Variants in IL1RAP observed in about 807,000 individuals in gnomAD.
The protein encoded by IL1RAP is interleukin-1 receptor accessory protein.
IL1RAP carries 35 observed loss-of-function variants against 60.7 expected under a neutral mutation model. The ratio of observed to expected loss-of-function variants is 0.58; its 90% confidence interval spans 0.44 to 0.76. The LOEUF (loss-of-function observed/expected upper bound fraction) is 0.76, where lower values mean the gene tolerates loss of function less well. Among genes scored for constraint, IL1RAP ranks in the 30% least tolerant of loss-of-function variants. IL1RAP has a pLI of 0.00. For missense variants in IL1RAP, 572 were observed against 693.9 expected (o/e 0.82, Z 1.97); for synonymous variants, 268 against 250.9 (o/e 1.07, Z -0.64).
At chr3:190,542,855 G>A (rs565677495) in intron 1 of IL1RAP, among the ~76,000 whole-genome samples, 2 of 148,814 alleles carry the variant, frequency 1.3e-5, no homozygotes, top group South Asian at 4.3e-4. Flanking sequence ...GTTATCCACT[G>A]TAACATACAC....
chr3:190,606,341 A>G (rs1730323049), intron 4 of IL1RAP, among the ~76,000 whole-genome samples: 1 of 152,212 alleles, frequency 6.6e-6, no homozygotes, highest in Admixed American at 6.5e-5. Context: ...ACCTTAGGCA[A>G]GTCCTGTCCA....
At chr3:190,568,376 A>G (rs774049928) in intron 3 of IL1RAP, among the ~76,000 whole-genome samples, 10 of 152,078 alleles carry the variant, frequency 6.6e-5, no homozygotes, top group South Asian at 4.2e-4. Flanking sequence ...GACTCCAGAA[A>G]CAGTGCTCTT....
chr3:190,552,009 C>T (rs1200540317), intron 1 of IL1RAP, among the ~76,000 whole-genome samples: 2 of 152,202 alleles, frequency 1.3e-5, no homozygotes, highest in South Asian at 4.1e-4. Flanking sequence ...ATCCAACGTA[C>T]CTAAACATGT....
intron 10 of IL1RAP, 81 bp downstream of exon 10, chr3:190,644,478 AT>A: frequency 8.7e-7 from 1 of 1,149,366 alleles, no homozygotes; most frequent in Non-Finnish European, 1.3e-6. Flanking sequence ...AAAAGAAAAC[AT>A]GTTGATTTGA....
intron 2 of IL1RAP, among the ~76,000 whole-genome samples, chr3:190,558,805 C>T (rs1039080862): frequency 5.3e-5 from 8 of 152,146 alleles, no homozygotes; most frequent in Non-Finnish European, 1.0e-4. Flanking sequence ...AGAAAATTGA[C>T]TTCTCTATGT....
chr3:190,653,133 T>C (rs964791825), downstream of IL1RAP, among the ~76,000 whole-genome samples: 2 of 152,208 alleles, frequency 1.3e-5, no homozygotes, highest in Admixed American at 6.5e-5. Flanking sequence ...GACAGAACTT[T>C]TACACACTAT....
downstream of IL1RAP, among the ~76,000 whole-genome samples, chr3:190,654,190 T>TCACACA (rs57074064): frequency 0.16 from 22,841 of 140,250 alleles, 2,019 homozygotes; most frequent in East Asian, 0.28. Context: ...AAACATCATA[T>TCACACA]CACACACACA....
chr3:190,527,552 G>A (rs531237557), intron 1 of IL1RAP, among the ~76,000 whole-genome samples: 1 of 152,270 alleles, frequency 6.6e-6, no homozygotes, highest in East Asian at 1.9e-4. Flanking sequence ...GTTGCATGTG[G>A]AAGGCAGGAA....
At chr3:190,518,220 C>G (rs1001070474) in intron 1 of IL1RAP, among the ~76,000 whole-genome samples, 10 of 151,964 alleles carry the variant, frequency 6.6e-5, no homozygotes, top group African/African-American at 2.2e-4. Flanking sequence ...AAATCTGAGG[C>G]AAGTTATTCT....
chr3:190,533,013 G>A (rs151243706), intron 1 of IL1RAP, among the ~76,000 whole-genome samples: 128 of 152,260 alleles, frequency 8.4e-4, no homozygotes, highest in African/African-American at 2.9e-3. Flanking sequence ...GGGAGTAAGG[G>A]AACAAATACT....
intron 3 of IL1RAP, among the ~76,000 whole-genome samples, chr3:190,595,627 T>C (rs1729312496): frequency 6.6e-6 from 1 of 152,178 alleles, no homozygotes; most frequent in Non-Finnish European, 1.5e-5. Context: ...CAGGCTTAGA[T>C]AGGACTACTA....
At chr3:190,551,047 C>A (rs1724816405) in intron 1 of IL1RAP, among the ~76,000 whole-genome samples, 1 of 152,214 alleles carries the variant, frequency 6.6e-6, no homozygotes, top group South Asian at 2.1e-4. Flanking sequence ...CTGAGCCTAA[C>A]CATGGGTTTG....
intron 3 of IL1RAP, among the ~76,000 whole-genome samples, chr3:190,571,758 G>A (rs550354110): frequency 3.9e-5 from 6 of 152,242 alleles, no homozygotes; most frequent in African/African-American, 9.6e-5. Flanking sequence ...CCCGTGGCCC[G>A]CGGGCCACAT....
At chr3:190,598,338 A>G (rs985497616) in intron 3 of IL1RAP, among the ~76,000 whole-genome samples, 1 of 151,972 alleles carries the variant, frequency 6.6e-6, no homozygotes, top group African/African-American at 2.4e-5. Context: ...TTTTCTATAT[A>G]CTTTATCATT....
intron 7 of IL1RAP, among the ~76,000 whole-genome samples, chr3:190,625,324 G>A (rs1031414554): frequency 1.3e-5 from 2 of 152,144 alleles, no homozygotes; most frequent in African/African-American, 2.4e-5. Flanking sequence ...TTTCTGCAGA[G>A]CACAATTGGC....
At chr3:190,597,764 G>A (rs1729507623) in intron 3 of IL1RAP, among the ~76,000 whole-genome samples, 2 of 152,058 alleles carry the variant, frequency 1.3e-5, no homozygotes, top group South Asian at 2.1e-4. Flanking sequence ...TCCTAAATTG[G>A]TCTGAGTATA....
In IL1RAP at chr3:190,648,822, T is replaced by G; in HGVS notation, c.*117T>G. The G allele has an allele frequency of 6.9e-7, 1 of 1,452,040 alleles. No homozygotes were observed. The allele number at this position is 1,452,040 out of a possible 1,614,324, so 89.9% of individuals were successfully genotyped here. A position where few individuals can be genotyped will look rare whatever the true frequency, so the allele number is the denominator to read the frequency against. On this transcript the variant is annotated 3_prime_UTR_variant, in exon 12 of 12. Coordinates refer to ENST00000447382, the MANE Select transcript of IL1RAP (RefSeq NM_002182.4). ...AAAAATAATGGTCTAAGCCTCCCAA[T>G]AGGGATAAATTTAGGGTGACTGTGT...
intron 9 of IL1RAP, among the ~76,000 whole-genome samples, chr3:190,640,501 C>T (rs1733577559): frequency 6.6e-6 from 1 of 152,182 alleles, no homozygotes; most frequent in South Asian, 2.1e-4. Flanking sequence ...TTGTTTACAA[C>T]TCAGGAGAAT....
chr3:190,616,942 A>G (rs903982409), intron 5 of IL1RAP, among the ~76,000 whole-genome samples: 4 of 152,238 alleles, frequency 2.6e-5, no homozygotes, highest in African/African-American at 9.6e-5. Context: ...GGAACTCTGC[A>G]TGAAAACAGA....
Sources: allele counts gnomAD v4.1 joint callset (sites outside exome capture counted in the v4.1 genomes callset), GRCh38; gene constraint gnomAD v4.1.1; transcripts MANE v1.5; gene names NCBI Gene and HGNC (gene_info 2026-07-23, HGNC 2026-07-21).